Variants in MCC observed in about 807,000 individuals in gnomAD.
The protein encoded by MCC is colorectal mutant cancer protein.
Under a neutral mutation model 116.2 loss-of-function variants are expected in MCC, and 90 were observed. The observed-to-expected ratio is 0.77, with a 90% CI of 0.65 to 0.92. The LOEUF (loss-of-function observed/expected upper bound fraction) is 0.92, where lower values mean the gene tolerates loss of function less well. MCC is among the 40% of genes least tolerant of loss of function. The probability of loss-of-function intolerance (pLI) is 0.00; values close to 1 mark genes in which losing one functional copy is unlikely to be tolerated. For missense variants in MCC, 1,516 were observed against 1,312.2 expected, an observed-to-expected ratio of 1.16 and a Z score of -2.40; for synonymous variants, 578 against 510.5, an observed-to-expected ratio of 1.13 and a Z score of -1.78.
rs190472981 is a variant in MCC at position 113,177,663 on chromosome 5, T to C, written c.628-26241A>G. On this transcript the variant is annotated intron_variant, in intron 3 of 18. Transcript: ENST00000408903. ...ATTATACCAAAAAACAAAATTGTTA[T>C]AGCAATTAGATTTCTTCATGATCCT... Among the ~76,000 whole-genome samples the C allele has an allele frequency of 7.9e-5, 12 of 152,348 alleles. 1 individual carries two copies. The South Asian group carries it at 1.0e-3, about 13-fold the overall frequency.
chr5:113,256,675 G>C (rs556455616), intron 3 of MCC, among the ~76,000 whole-genome samples: 3 of 152,178 alleles, frequency 2.0e-5, no homozygotes, highest in Non-Finnish European at 2.9e-5. Context: ...TTCTGGACAT[G>C]TTGACCTTGG....
At chr5:113,270,950 C>T (rs1484602775) in intron 3 of MCC, among the ~76,000 whole-genome samples, 1 of 152,014 alleles carries the variant, frequency 6.6e-6, no homozygotes, top group Non-Finnish European at 1.5e-5. Context: ...ATAATTCAAT[C>T]TCTCCTTGGG....
chr5:113,286,309 A>G (rs1766257916), intron 3 of MCC, among the ~76,000 whole-genome samples: 1 of 152,202 alleles, frequency 6.6e-6, no homozygotes, highest in Admixed American at 6.5e-5. Flanking sequence ...TCCCACTCTC[A>G]CCACATAACC....
At chr5:113,048,958 C>A in intron 16 of MCC, 135 bp downstream of exon 16, 1 of 774,420 alleles carries the variant, frequency 1.3e-6, no homozygotes, top group Non-Finnish European at 2.2e-6. Context: ...TTCTTAGATA[C>A]CTACGAATGG....
At chr5:113,466,005 C>T (rs966398686) in intron 1 of MCC, among the ~76,000 whole-genome samples, 3 of 151,398 alleles carry the variant, frequency 2.0e-5, no homozygotes, top group Non-Finnish European at 2.9e-5. Context: ...GGCGCGATCT[C>T]GGCTCACTGC....
At chr5:113,168,618 C>T (rs1258207859) in intron 3 of MCC, among the ~76,000 whole-genome samples, 1 of 151,904 alleles carries the variant, frequency 6.6e-6, no homozygotes, top group Non-Finnish European at 1.5e-5. Context: ...CAGAATATAC[C>T]ACAGGCACAA....
At chr5:113,328,912 C>T (rs771103611) in intron 3 of MCC, among the ~76,000 whole-genome samples, 12 of 152,074 alleles carry the variant, frequency 7.9e-5, no homozygotes, top group Non-Finnish European at 1.0e-4. Context: ...CGAATGGGTC[C>T]GAAGAACAAA....
intron 13 of MCC, among the ~76,000 whole-genome samples, chr5:113,064,430 C>T (rs1441172413): frequency 6.6e-6 from 1 of 152,314 alleles, no homozygotes; most frequent in African/African-American, 2.4e-5. Flanking sequence ...ATGGGATCAC[C>T]ACATTTCTGT....
intron 2 of MCC, among the ~76,000 whole-genome samples, chr5:113,358,303 C>G (rs1332708243): frequency 6.6e-6 from 1 of 152,156 alleles, no homozygotes; most frequent in East Asian, 1.9e-4. Context: ...TTGGCCCTCC[C>G]AAAACTTGTG....
At chr5:113,307,179 G>C (rs1767007710) in intron 3 of MCC, among the ~76,000 whole-genome samples, 1 of 152,120 alleles carries the variant, frequency 6.6e-6, no homozygotes, top group Admixed American at 6.5e-5. Context: ...GCTTGTTATT[G>C]TGCCAAGTAG....
chr5:113,369,561 G>A (rs1328140835), intron 2 of MCC, among the ~76,000 whole-genome samples: 1 of 151,970 alleles, frequency 6.6e-6, no homozygotes, highest in Non-Finnish European at 1.5e-5. Flanking sequence ...TTCCCTTTAA[G>A]TTACTTTTTC....
At chr5:113,057,105 G>A (rs538454080) in intron 14 of MCC, among the ~76,000 whole-genome samples, 132 of 152,296 alleles carry the variant, frequency 8.7e-4, no homozygotes, top group Non-Finnish European at 1.5e-3. Flanking sequence ...CAGGGAGTGC[G>A]GCCAGCAGAA....
chr5:113,174,992 G>A (rs1348433336), intron 3 of MCC, among the ~76,000 whole-genome samples: 1 of 152,020 alleles, frequency 6.6e-6, no homozygotes, highest in African/African-American at 2.4e-5. Context: ...TATTTTATAT[G>A]AGCTTAGATG....
Position 113,376,335 on chromosome 5 carries a change from T to C in MCC, c.415+8633A>G, listed in dbSNP as rs1357313716. 3.3e-5 allele frequency among the ~76,000 whole-genome samples: 5 copies of C among 152,214 alleles called. No individual in the cohort carries two copies. The East Asian group carries it at 7.7e-4, about 23-fold the overall frequency. The stretch of plus-strand genomic sequence containing the variant: ...GTTTATTGGCCAAATACTCACCCAA[T>C]GCATGCCCTGTGTCAGTCTCTGTAC... On this transcript the variant is annotated intron_variant, in intron 2 of 18. Transcript: ENST00000408903.
chr5:113,443,991 T>TTGTGTGTGTGTGTGTGTGTGTG (rs34145955), intron 1 of MCC, among the ~76,000 whole-genome samples: 250 of 144,074 alleles, frequency 1.7e-3, no homozygotes, highest in Middle Eastern at 3.5e-3. Flanking sequence ...CTCGGCTAAT[T>TTGTGTGTGTGTGTGTGTGTGTG]TGTGTGTGTG....
chr5:113,395,317 G>A (rs980208715), intron 1 of MCC, among the ~76,000 whole-genome samples: 5 of 151,958 alleles, frequency 3.3e-5, no homozygotes, highest in Non-Finnish European at 7.4e-5. Flanking sequence ...ATATCTTCTA[G>A]TATATATGTA....
chr5:113,115,619 G>A (rs1180590382), intron 6 of MCC, among the ~76,000 whole-genome samples: 1 of 151,920 alleles, frequency 6.6e-6, no homozygotes, highest in Non-Finnish European at 1.5e-5. Flanking sequence ...GCTCTGTTAC[G>A]CACCCCCACA....
intron 3 of MCC, among the ~76,000 whole-genome samples, chr5:113,189,267 G>A (rs897681573): frequency 1.3e-5 from 2 of 152,204 alleles, no homozygotes; most frequent in African/African-American, 4.8e-5. Context: ...TAAACAGTGA[G>A]ACTCTCAGTT....
intron 1 of MCC, among the ~76,000 whole-genome samples, chr5:113,406,248 A>G (rs1266701754): frequency 1.3e-5 from 2 of 152,242 alleles, no homozygotes; most frequent in Admixed American, 6.5e-5. Flanking sequence ...TGTAATTTAC[A>G]TTCTAGAATC....
Sources: gnomAD v4.1 joint callset for allele counts (sites outside exome capture counted in the v4.1 genomes callset) on GRCh38, gnomAD v4.1.1 for gene constraint, MANE v1.5 for transcripts, NCBI Gene and HGNC (gene_info 2026-07-23, HGNC 2026-07-21) for gene names.